Variants in ASIC2 observed in about 807,000 individuals in gnomAD.
ASIC2 encodes acid-sensing ion channel 2.
Under a neutral mutation model 57.3 loss-of-function variants are expected in ASIC2, and 25 were observed. The ratio of observed to expected loss-of-function variants is 0.44; its 90% confidence interval spans 0.32 to 0.61. The LOEUF (loss-of-function observed/expected upper bound fraction) is 0.61, where lower values mean the gene tolerates loss of function less well. Ranked by LOEUF, ASIC2 falls within the 20% of genes least tolerant of loss-of-function variation. The probability of loss-of-function intolerance (pLI) is 0.06; values close to 1 mark genes in which losing one functional copy is unlikely to be tolerated. For synonymous variants in ASIC2, 319 were observed against 307.5 expected (o/e 1.04, Z -0.39); for missense variants, 641 against 738.1 (o/e 0.87, Z 1.52).
chr17:33,724,476 G>T (rs1377067502), intron 1 of ASIC2, among the ~76,000 whole-genome samples: 1 of 152,178 alleles, frequency 6.6e-6, no homozygotes, highest in Non-Finnish European at 1.5e-5. Flanking sequence ...TCGGGTAAAG[G>T]GTGTAAGTGG....
intron 1 of ASIC2, among the ~76,000 whole-genome samples, chr17:33,184,169 T>C (rs78047923): frequency 0.017 from 2,513 of 152,248 alleles, 72 homozygotes; most frequent in East Asian, 0.11. Flanking sequence ...CTTGCCCAAA[T>C]TCACCTGGCT....
chr17:33,288,715 GACACACACACACACACACAC>G (rs56013728), intron 1 of ASIC2, among the ~76,000 whole-genome samples: 71 of 143,594 alleles, frequency 4.9e-4, no homozygotes, highest in African/African-American at 1.2e-3. Context: ...AGCTCTCTCT[GACACACACACACACACACAC>G]ACACACACAC....
intron 1 of ASIC2, among the ~76,000 whole-genome samples, chr17:33,377,916 A>G (rs570422131): frequency 7.0e-4 from 106 of 152,358 alleles, no homozygotes; most frequent in African/African-American, 2.5e-3. Context: ...AAATATGAGA[A>G]TAGGACAGAG....
At chr17:33,863,900 G>GTTTTTTTTTTTTTTTTTTTTTT (rs1031021531) in intron 1 of ASIC2, among the ~76,000 whole-genome samples, 1 of 72,494 alleles carries the variant, frequency 1.4e-5, no homozygotes. Context: ...CTCTTTTTTT[G>GTTTTTTTTTTTTTTTTTTTTTT]TTTTTTTTTT....
chr17:34,036,533 T>G (rs1329967499), intron 1 of ASIC2: 1 of 149,364 alleles, frequency 6.7e-6, no homozygotes, highest in East Asian at 1.9e-4. Flanking sequence ...AATAATAAAA[T>G]AAAATAAAAT....
chr17:33,299,254 C>G lies in ASIC2; in HGVS notation c.556-187187G>C, dbSNP rs147980461. Reference sequence around the variant, plus strand: ...ACCAAAACAGAGTTATAGACCAATGCAACAGAACAGAGCCATCTGATACCT... The same window carrying G: ...ACCAAAACAGAGTTATAGACCAATGGAACAGAACAGAGCCATCTGATACCT... On this transcript the variant is annotated intron_variant, in intron 1 of 9. Coordinates refer to the ASIC2 transcript ENST00000359872. Among the ~76,000 whole-genome samples, 618 of 151,500 alleles carry G rather than the reference C, an allele frequency of 4.1e-3. 3 individuals carry two copies. The highest frequency in any genetic ancestry group is 0.014 in the African/African-American group (575 of 40,822).
At chr17:33,579,619 G>C (rs542026739) in intron 1 of ASIC2, among the ~76,000 whole-genome samples, 87 of 152,268 alleles carry the variant, frequency 5.7e-4, no homozygotes, top group African/African-American at 1.9e-3. Context: ...TGTTCCTTCA[G>C]GTGTTCAGCT....
chr17:33,876,173 G>T (rs1168208744), intron 1 of ASIC2, among the ~76,000 whole-genome samples: 1 of 152,136 alleles, frequency 6.6e-6, no homozygotes. Context: ...TGTAAAACGG[G>T]ACTACGGTTA....
At chr17:33,215,792 C>G (rs990190775) in intron 1 of ASIC2, among the ~76,000 whole-genome samples, 1 of 152,012 alleles carries the variant, frequency 6.6e-6, no homozygotes, top group Admixed American at 6.5e-5. Context: ...CTCCGCCCCC[C>G]GGGTTCACGC....
intron 1 of ASIC2, chr17:34,081,879 T>C (rs900495282): frequency 6.6e-6 from 1 of 152,168 alleles, no homozygotes; most frequent in Admixed American, 6.5e-5. Flanking sequence ...TTAGAGATAA[T>C]TGTAGCTCAA....
At chr17:33,506,088 T>A (rs1914241555) in intron 1 of ASIC2, among the ~76,000 whole-genome samples, 1 of 151,210 alleles carries the variant, frequency 6.6e-6, no homozygotes, top group South Asian at 2.1e-4. Flanking sequence ...GATATAGGAG[T>A]AAAAGATAGA....
intron 1 of ASIC2, among the ~76,000 whole-genome samples, chr17:33,608,581 G>T (rs888014927): frequency 2.6e-5 from 4 of 151,914 alleles, no homozygotes; most frequent in African/African-American, 9.7e-5. Flanking sequence ...TGCCTGGGGG[G>T]GTCTCTGAGA....
At chr17:33,431,428 A>G (rs11656249) in intron 1 of ASIC2, among the ~76,000 whole-genome samples, 39,301 of 151,866 alleles carry the variant, frequency 0.26, 5,088 homozygotes, top group Middle Eastern at 0.34. Flanking sequence ...CCATGATGAA[A>G]CCCTGTCTCT....
chr17:33,728,071 C>T (rs367656919), intron 1 of ASIC2, among the ~76,000 whole-genome samples: 35 of 152,264 alleles, frequency 2.3e-4, no homozygotes, highest in African/African-American at 8.4e-4. Flanking sequence ...TGCCTGGATT[C>T]CCTCCCATCC....
At chr17:34,135,881 T>C (rs906181926) in intron 1 of ASIC2, among the ~76,000 whole-genome samples, 1 of 152,138 alleles carries the variant, frequency 6.6e-6, no homozygotes, top group Non-Finnish European at 1.5e-5. Flanking sequence ...CCAATCATTA[T>C]TCTAAAAAAA....
At chr17:33,442,377 G>A (rs1432805985) in intron 1 of ASIC2, among the ~76,000 whole-genome samples, 2 of 152,144 alleles carry the variant, frequency 1.3e-5, no homozygotes, top group South Asian at 2.1e-4. Context: ...AGAATATTCA[G>A]TCCTTTAATT....
Position 34,038,839 on chromosome 17 carries a change from C to A in ASIC2, c.555+117139G>T, listed in dbSNP as rs1453539975. ...GGGCCTGACCCATGGCAGGAGGTTT[C>A]CGCTTTGCTAACATTTTCCGTTGTC... On this transcript the variant is annotated intron_variant, in intron 1 of 9. Transcript: ENST00000359872. 1.9e-6 allele frequency: 3 copies of A among 1,612,230 alleles called. No homozygotes were observed. In the East Asian group the frequency reaches 6.7e-5, roughly 36 times the overall value.
At chr17:33,671,616 C>T (rs1261043689) in intron 1 of ASIC2, among the ~76,000 whole-genome samples, 1 of 152,120 alleles carries the variant, frequency 6.6e-6, no homozygotes, top group Non-Finnish European at 1.5e-5. Flanking sequence ...CACAAAGATC[C>T]AGGTTTCTCA....
At chr17:33,636,157 A>C (rs930837575) in intron 1 of ASIC2, among the ~76,000 whole-genome samples, 1 of 152,246 alleles carries the variant, frequency 6.6e-6, no homozygotes, top group South Asian at 2.1e-4. Flanking sequence ...GCATATATAC[A>C]TATTAATACA....
Sources: allele counts gnomAD v4.1 joint callset (sites outside exome capture counted in the v4.1 genomes callset), GRCh38; gene constraint gnomAD v4.1.1; transcripts MANE v1.5; gene names NCBI Gene and HGNC (gene_info 2026-07-23, HGNC 2026-07-21).